The following RANBP2 variants were observed in gnomAD, a reference collection of about 807,000 sequenced individuals.
The protein encoded by RANBP2 is RAN binding protein 2, also known as E3 SUMO-protein ligase RanBP2.
In RANBP2, 57 loss-of-function variants were observed where a neutral mutation model predicts 303.6. The ratio of observed to expected loss-of-function variants is 0.19; its 90% CI spans 0.15 to 0.23. RANBP2 has a LOEUF of 0.23. Ranked by LOEUF, RANBP2 falls within the 10% of genes least tolerant of loss-of-function variation. The pLI is 1.00. For synonymous variants in RANBP2, 1,167 were observed against 1,301.5 expected (o/e 0.90, Z 2.23); for missense variants, 3,138 against 3,780.8 (o/e 0.83, Z 4.46).
chr2:109,073,447 T>C, the RANBP2 span, among the ~76,000 whole-genome samples: 26 of 151,950 alleles, frequency 1.7e-4, no homozygotes, highest in Admixed American at 1.6e-3. Flanking sequence ...GGTGGGTGGA[T>C]CACGAGGTCA....
the RANBP2 span, among the ~76,000 whole-genome samples, chr2:109,376,883 T>A: frequency 7.2e-5 from 11 of 152,174 alleles, no homozygotes. Context: ...TCCCCTAAGT[T>A]TCCATGGTGA....
chr2:109,437,890 C>CGTCTTCCACCACGGT, the RANBP2 span, among the ~76,000 whole-genome samples: 2 of 152,272 alleles, frequency 1.3e-5, no homozygotes, highest in Non-Finnish European at 2.9e-5. Flanking sequence ...CATGCCACGG[C>CGTCTTCCACCACGGT]GTCTTCCACC....
At chr2:108,971,956 CA>C in the RANBP2 span, among the ~76,000 whole-genome samples, 1 of 152,166 alleles carries the variant, frequency 6.6e-6, no homozygotes, top group Non-Finnish European at 1.5e-5. Context: ...AACAGAGGAG[CA>C]GCCGTGGGGA....
the RANBP2 span, among the ~76,000 whole-genome samples, chr2:109,408,909 C>T: frequency 6.6e-6 from 1 of 152,204 alleles, no homozygotes; most frequent in East Asian, 1.9e-4. Flanking sequence ...CGAGTGAGAG[C>T]TGTGAGGAAG....
chr2:109,391,630 C>A, the RANBP2 span, among the ~76,000 whole-genome samples: 1 of 152,192 alleles, frequency 6.6e-6, no homozygotes, highest in Non-Finnish European at 1.5e-5. Context: ...AGAGTGCTGG[C>A]ACCAGTGTTT....
chr2:109,036,273 A>T, the RANBP2 span, among the ~76,000 whole-genome samples: 1 of 152,350 alleles, frequency 6.6e-6, no homozygotes, highest in South Asian at 2.1e-4. Flanking sequence ...TTTAAGGAGT[A>T]TTAATACCAA....
At chr2:108,797,182 A>G in the RANBP2 span, among the ~76,000 whole-genome samples, 1 of 152,148 alleles carries the variant, frequency 6.6e-6, no homozygotes, top group Admixed American at 6.6e-5. Flanking sequence ...AATGAGAAGG[A>G]AAATTGCTCC....
chr2:109,691,781 G>GTTTTTTTTGGT, the RANBP2 span, among the ~76,000 whole-genome samples: 1 of 147,756 alleles, frequency 6.8e-6, no homozygotes, highest in Non-Finnish European at 1.5e-5. Context: ...TTCATGATCA[G>GTTTTTTTTGGT]TTTTTTTGGT....
chr2:109,131,641 A>C, the RANBP2 span, among the ~76,000 whole-genome samples: 499 of 152,286 alleles, frequency 3.3e-3, 2 homozygotes, highest in Non-Finnish European at 3.3e-3. Flanking sequence ...GACAGGCTGA[A>C]GCTTTGATGC....
the RANBP2 span, among the ~76,000 whole-genome samples, chr2:109,766,369 G>A: frequency 1.2e-4 from 18 of 150,744 alleles, 1 homozygote; most frequent in East Asian, 3.5e-3. Flanking sequence ...AGAAAGCTGG[G>A]TGGAGAGACT....
At chr2:109,009,195 C>A in the RANBP2 span, among the ~76,000 whole-genome samples, 4 of 151,852 alleles carry the variant, frequency 2.6e-5, no homozygotes, top group Admixed American at 2.0e-4. Flanking sequence ...AAAAAATTAG[C>A]CTGGCATGGT....
At chr2:109,003,643 T>TC in the RANBP2 span, among the ~76,000 whole-genome samples, 1 of 152,106 alleles carries the variant, frequency 6.6e-6, no homozygotes, top group Non-Finnish European at 1.5e-5. Context: ...ACTCCTGACT[T>TC]CAAGTGATCT....
At chr2:109,669,120 C>G in the RANBP2 span, among the ~76,000 whole-genome samples, 2 of 152,182 alleles carry the variant, frequency 1.3e-5, no homozygotes, top group South Asian at 4.2e-4. Context: ...AATGGGGAAA[C>G]GTCATGCACA....
chr2:109,627,399 G>C, the RANBP2 span, among the ~76,000 whole-genome samples: 1 of 152,120 alleles, frequency 6.6e-6, no homozygotes, highest in Non-Finnish European at 1.5e-5. Flanking sequence ...GTTTCACCAT[G>C]TTGGCCGGGA....
the RANBP2 span, among the ~76,000 whole-genome samples, chr2:109,265,693 A>G: frequency 6.6e-6 from 1 of 152,268 alleles, no homozygotes; most frequent in African/African-American, 2.4e-5. Context: ...GCCACAGGTC[A>G]TCTGATTATA....
At chr2:108,888,400 ATTCTC>A in the RANBP2 span, among the ~76,000 whole-genome samples, 4 of 151,984 alleles carry the variant, frequency 2.6e-5, no homozygotes, top group East Asian at 5.8e-4. Context: ...GTTAAGGAGA[ATTCTC>A]TTCTCTTCAA....
At chr2:109,242,057 G>T in the RANBP2 span, among the ~76,000 whole-genome samples, 1 of 152,022 alleles carries the variant, frequency 6.6e-6, no homozygotes, top group African/African-American at 2.4e-5. Context: ...GGCTGGCTCT[G>T]GTGTAGACGG....
At chr2:109,440,380 A>G in the RANBP2 span, among the ~76,000 whole-genome samples, 3,175 of 152,346 alleles carry the variant, frequency 0.021, 44 homozygotes, top group Middle Eastern at 0.058. Flanking sequence ...CCCGCAGTGA[A>G]GCCGAAAAGC....
chr2:108,825,514 T>C, the RANBP2 span, among the ~76,000 whole-genome samples: 1 of 152,172 alleles, frequency 6.6e-6, no homozygotes, highest in African/African-American at 2.4e-5. Flanking sequence ...CTGCTTTCTG[T>C]CTTTATAGAT....
Sources: allele counts gnomAD v4.1 joint callset (sites outside exome capture counted in the v4.1 genomes callset), GRCh38; gene constraint gnomAD v4.1.1; transcripts MANE v1.5; gene names NCBI Gene and HGNC (gene_info 2026-07-23, HGNC 2026-07-21).